Variants in TAS2R1 observed in about 807,000 individuals in gnomAD.
The protein encoded by TAS2R1 is taste receptor type 2 member 1.
For missense variants in TAS2R1, 370 were observed against 353.4 expected, an observed-to-expected ratio of 1.05 and a Z score of -0.38; for synonymous variants, 141 against 134.2, an observed-to-expected ratio of 1.05 and a Z score of -0.35.
At chr5:9,650,773 T>G (rs1740289024) in intron 2 of TAS2R1, among the ~76,000 whole-genome samples, 1 of 152,202 alleles carries the variant, frequency 6.6e-6, no homozygotes, top group African/African-American at 2.4e-5. Context: ...TGGTTAGTAC[T>G]TACTACTATC....
chr5:9,717,661 G>T, the TAS2R1 span, among the ~76,000 whole-genome samples: 3 of 149,394 alleles, frequency 2.0e-5, no homozygotes, highest in Admixed American at 6.7e-5. Flanking sequence ...TGACATCAAA[G>T]AAACAATAAA....
At chr5:9,732,356 T>A in the TAS2R1 span, among the ~76,000 whole-genome samples, 2 of 152,278 alleles carry the variant, frequency 1.3e-5, no homozygotes, top group East Asian at 1.9e-4. Context: ...AGAGTTTGGA[T>A]GTTATTCTGA....
At chr5:9,785,829 A>C in the TAS2R1 span, among the ~76,000 whole-genome samples, 33 of 151,764 alleles carry the variant, frequency 2.2e-4, no homozygotes, top group African/African-American at 7.3e-4. Context: ...CACACCCATC[A>C]CTCTCTGCCA....
intron 1 of TAS2R1, among the ~76,000 whole-genome samples, chr5:9,683,898 T>C (rs1352804616): frequency 2.0e-5 from 3 of 152,164 alleles, no homozygotes; most frequent in East Asian, 1.9e-4. Flanking sequence ...TTCTTTACTG[T>C]CAGGTTGCCA....
chr5:9,748,435 A>G, the TAS2R1 span, among the ~76,000 whole-genome samples: 1 of 152,170 alleles, frequency 6.6e-6, no homozygotes, highest in South Asian at 2.1e-4. Context: ...GCTATAACAG[A>G]ATTTCTGAGA....
intron 1 of TAS2R1, chr5:9,660,122 G>C (rs567599498): frequency 6.8e-6 from 1 of 146,774 alleles, no homozygotes; most frequent in East Asian, 2.0e-4. Context: ...GCAGTGGCGC[G>C]ATCTCGGCTC....
chr5:9,776,770 C>T, the TAS2R1 span, among the ~76,000 whole-genome samples: 3 of 152,288 alleles, frequency 2.0e-5, no homozygotes, highest in South Asian at 2.1e-4. Context: ...TTCTTACAGT[C>T]GTCTATGTTG....
At chr5:9,847,054 C>A in the TAS2R1 span, among the ~76,000 whole-genome samples, 1 of 152,330 alleles carries the variant, frequency 6.6e-6, no homozygotes, top group East Asian at 1.9e-4. Flanking sequence ...CCAGCTCTGA[C>A]AGCTCACCCT....
intron 1 of TAS2R1, among the ~76,000 whole-genome samples, chr5:9,710,924 T>TATATATATAATATATTATATATA (rs1741720821): frequency 1.4e-5 from 2 of 145,694 alleles, no homozygotes; most frequent in Non-Finnish European, 3.0e-5. Context: ...TTATATATAT[T>TATATATATAATATATTATATATA]ATATATATAA....
At chr5:9,711,235 T>C (rs1734648616) in intron 1 of TAS2R1, among the ~76,000 whole-genome samples, 1 of 152,070 alleles carries the variant, frequency 6.6e-6, no homozygotes. Context: ...GCAGCATTAT[T>C]CACAATAACC....
chr5:9,810,683 T>C, the TAS2R1 span, among the ~76,000 whole-genome samples: 1 of 152,052 alleles, frequency 6.6e-6, no homozygotes, highest in Non-Finnish European at 1.5e-5. Flanking sequence ...GGTGCTAATA[T>C]CTGGAAAACT....
At chr5:9,795,175 C>T in the TAS2R1 span, among the ~76,000 whole-genome samples, 150 of 152,248 alleles carry the variant, frequency 9.9e-4, 1 homozygote, top group African/African-American at 3.0e-3. Flanking sequence ...CTCTGGCCAT[C>T]GGCTTCTCTA....
At chr5:9,670,769 G>A (rs1203215090) in intron 1 of TAS2R1, among the ~76,000 whole-genome samples, 2 of 152,074 alleles carry the variant, frequency 1.3e-5, no homozygotes, top group Admixed American at 1.3e-4. Context: ...AAGAAGGAAG[G>A]ACTCCTCCCT....
At chr5:9,692,083 C>T (rs930542265) in intron 1 of TAS2R1, among the ~76,000 whole-genome samples, 3 of 152,126 alleles carry the variant, frequency 2.0e-5, no homozygotes, top group African/African-American at 7.2e-5. Context: ...GTGTCCTCAT[C>T]GGGCTCCGCA....
chr5:9,673,122 T>C (rs1740803147), intron 1 of TAS2R1, among the ~76,000 whole-genome samples: 2 of 152,018 alleles, frequency 1.3e-5, no homozygotes, highest in Non-Finnish European at 2.9e-5. Flanking sequence ...AAGGGAACAA[T>C]AGACACTGCG....
At chr5:9,747,534 C>A in the TAS2R1 span, among the ~76,000 whole-genome samples, 1 of 151,992 alleles carries the variant, frequency 6.6e-6, no homozygotes, top group African/African-American at 2.4e-5. Context: ...TTTTAACAAC[C>A]AGCTTTTGCA....
intron 2 of TAS2R1, among the ~76,000 whole-genome samples, chr5:9,640,408 T>C (rs1284445905): frequency 7.0e-6 from 1 of 143,060 alleles, no homozygotes; most frequent in Non-Finnish European, 1.5e-5. Context: ...TACCAAGGTA[T>C]GACAGAGACA....
the TAS2R1 span, among the ~76,000 whole-genome samples, chr5:9,718,109 G>C: frequency 3.3e-5 from 5 of 151,240 alleles, no homozygotes; most frequent in African/African-American, 9.7e-5. Context: ...ACAGGCACAC[G>C]CCACCATGCC....
At chr5:9,721,000 C>T in the TAS2R1 span, among the ~76,000 whole-genome samples, 1 of 151,518 alleles carries the variant, frequency 6.6e-6, no homozygotes, top group South Asian at 2.1e-4. Context: ...GCTGCAGCGC[C>T]CACCCTGCCT....
Sources: gnomAD v4.1 joint callset for allele counts (sites outside exome capture counted in the v4.1 genomes callset) on GRCh38, gnomAD v4.1.1 for gene constraint, MANE v1.5 for transcripts, NCBI Gene and HGNC (gene_info 2026-07-23, HGNC 2026-07-21) for gene names.